Variants in KLKB1 observed in about 807,000 individuals in gnomAD.
The protein encoded by KLKB1 is kallikrein B1, also known as plasma kallikrein.
A neutral mutation model predicts 73.6 loss-of-function variants in KLKB1; 58 were observed. The ratio of observed to expected loss-of-function variants is 0.79; its 90% confidence interval spans 0.64 to 0.98. KLKB1 has a LOEUF of 0.98. Ranked by LOEUF, KLKB1 falls within the 50% of genes least tolerant of loss-of-function variation. The probability of loss-of-function intolerance (pLI) is 0.00; values close to 1 mark genes in which losing one functional copy is unlikely to be tolerated. For synonymous variants in KLKB1, 280 were observed against 258.1 expected (o/e 1.08, Z -0.81); for missense variants, 737 against 763.8 (o/e 0.96, Z 0.41).
At chr4:186,228,720 G>A (rs1225641067) in intron 2 of KLKB1, among the ~76,000 whole-genome samples, 1 of 152,184 alleles carries the variant, frequency 6.6e-6, no homozygotes, top group Non-Finnish European at 1.5e-5. Flanking sequence ...AAAAATGAAA[G>A]TAACTGGTTT....
At chr4:186,213,761 A>T (rs1736806537) in intron 2 of KLKB1, among the ~76,000 whole-genome samples, 1 of 152,238 alleles carries the variant, frequency 6.6e-6, no homozygotes, top group African/African-American at 2.4e-5. Flanking sequence ...ATGACCCAAT[A>T]AGAGATGCTG....
At chr4:186,256,284 G>T (rs1256608798) in intron 13 of KLKB1, among the ~76,000 whole-genome samples, 197 bp downstream of exon 13, 1 of 152,076 alleles carries the variant, frequency 6.6e-6, no homozygotes, top group East Asian at 1.9e-4. Flanking sequence ...ATTTTAGGGA[G>T]ACTTTTAAGC....
chr4:186,226,107 A>C (rs1437298283), upstream of KLKB1, among the ~76,000 whole-genome samples: 1 of 151,638 alleles, frequency 6.6e-6, no homozygotes, highest in Non-Finnish European at 1.5e-5. Flanking sequence ...TTTCTGTTTC[A>C]TTCTTTTTTA....
At chr4:186,232,322 GT>G in intron 3 of KLKB1, 33 bp downstream of exon 3, 1 of 1,599,868 alleles carries the variant, frequency 6.3e-7, no homozygotes, top group Non-Finnish European at 8.6e-7. Context: ...TGGAGAAGCT[GT>G]TTTTCAAAAC....
At chr4:186,238,893 T>TA (rs1318798229) in intron 6 of KLKB1, among the ~76,000 whole-genome samples, 1 of 150,924 alleles carries the variant, frequency 6.6e-6, no homozygotes, top group Non-Finnish European at 1.5e-5. Context: ...GTGATACTGT[T>TA]AGAGTTATAG....
chr4:186,226,371 A>G (rs1472673137), upstream of KLKB1: 1 of 152,182 alleles, frequency 6.6e-6, no homozygotes, highest in East Asian at 1.9e-4. Context: ...GTAGGCACCT[A>G]TTTCAGTCTT....
At chr4:186,227,041 G>C (rs892111392), upstream of KLKB1, among the ~76,000 whole-genome samples, 8 of 152,162 alleles carry the variant, frequency 5.3e-5, no homozygotes, top group Non-Finnish European at 8.8e-5. Flanking sequence ...GGGGTTTACT[G>C]GAGTGGGCTT....
chr4:186,253,837 TATTTA>T (rs1475326291), intron 11 of KLKB1, among the ~76,000 whole-genome samples: 4 of 151,932 alleles, frequency 2.6e-5, no homozygotes, highest in East Asian at 1.9e-4. Flanking sequence ...TTTATATATT[TATTTA>T]ATTTATTTTT....
At chr4:186,216,685 G>A (rs1736910972) in intron 2 of KLKB1, among the ~76,000 whole-genome samples, 1 of 152,164 alleles carries the variant, frequency 6.6e-6, no homozygotes, top group Non-Finnish European at 1.5e-5. Flanking sequence ...TGGGATGGTA[G>A]GGGTGAAATC....
chr4:186,242,216 G>A (rs4253359), intron 6 of KLKB1, among the ~76,000 whole-genome samples: 5 of 152,098 alleles, frequency 3.3e-5, no homozygotes, highest in Admixed American at 2.0e-4. Context: ...ACAAGGTAAC[G>A]TCATCAGTTA....
chr4:186,257,453 G>C, intron 14 of KLKB1, 88 bp downstream of exon 14: 3 of 1,230,806 alleles, frequency 2.4e-6, no homozygotes, highest in Middle Eastern at 2.4e-4. Context: ...TTCAATCATA[G>C]TTTTTAAAAA....
chr4:186,232,352 A>G (rs1446379629), intron 3 of KLKB1, 63 bp downstream of exon 3: 1 of 1,476,520 alleles, frequency 6.8e-7, no homozygotes, highest in Non-Finnish European at 9.5e-7. Context: ...TTTTGTGCAG[A>G]AAGGTGTAGT....
In KLKB1 at chr4:186,257,678, C is replaced by G. The variant is rs72710572; in HGVS notation, c.1725+313C>G. Among the ~76,000 whole-genome samples, 20,337 of 151,672 alleles carry G rather than the reference C, an allele frequency of 0.13. 1,607 individuals are homozygous for G. The highest frequency in any genetic ancestry group is 0.21 in the Middle Eastern group (63 of 294). ...CAAGATTTCTTTGTTAGATTTATTT[C>G]AGATAGAAAAGGGGATACGAAAAAT... On this transcript the variant is annotated intron_variant, in intron 14 of 14. Coordinates refer to ENST00000264690, the MANE Select transcript of KLKB1 (RefSeq NM_000892.5).
At chr4:186,238,435 C>T in intron 6 of KLKB1, 70 bp downstream of exon 6, 1 of 1,065,690 alleles carries the variant, frequency 9.4e-7, no homozygotes, top group South Asian at 1.3e-5. Context: ...CGTCCCTGTG[C>T]TGAGCCCTGG....
rs753364551 is a variant in KLKB1, at chr4:186,252,150, C to G, written c.1278C>G (p.His426Gln). The G allele has an allele frequency of 2.5e-6, 4 of 1,613,886 alleles. No homozygotes were observed. The East Asian group carries it at 6.7e-5, about 27-fold the overall frequency. The part of the protein sequence containing the change: ...RHLCGGSLIG[H>Q]QWVLTAAHCF... ...TGTGTGGAGGGTCACTCATAGGACA[C>G]CAGTGGGTCCTCACTGCTGCCCACT... The change falls in exon 11 of 15, where the codon CAC becomes CAG. Residue 426 changes from histidine (H) to glutamine (Q), a missense_variant. His to Gln is a conservative substitution (Grantham distance 24, BLOSUM62 0). Coordinates refer to ENST00000264690, the MANE Select transcript of KLKB1 (RefSeq NM_000892.5).
chr4:186,236,113 C>CAAAA (rs57285912), intron 4 of KLKB1, among the ~76,000 whole-genome samples: 2 of 113,772 alleles, frequency 1.8e-5, no homozygotes, highest in Non-Finnish European at 3.6e-5. Flanking sequence ...GACTCCGTCT[C>CAAAA]AAAAAAAAAA....
At chr4:186,240,967 A>C (rs1214264007) in intron 6 of KLKB1, among the ~76,000 whole-genome samples, 1 of 152,152 alleles carries the variant, frequency 6.6e-6, no homozygotes, top group African/African-American at 2.4e-5. Context: ...CACACCTGGG[A>C]GAGCACCCTG....
upstream of KLKB1, among the ~76,000 whole-genome samples, chr4:186,222,521 AT>A (rs1218285651): frequency 2.0e-5 from 3 of 152,214 alleles, no homozygotes; most frequent in Non-Finnish European, 4.4e-5. Context: ...CTTTGACTGC[AT>A]TTAAAAATAC....
chr4:186,243,245 C>T (rs4253282), intron 6 of KLKB1, among the ~76,000 whole-genome samples: 85,345 of 151,912 alleles, frequency 0.56, 24,353 homozygotes, highest in East Asian at 0.68. Context: ...ATTTTTACGA[C>T]GGAAAGGAAA....
Sources: gnomAD v4.1 joint callset for allele counts (sites outside exome capture counted in the v4.1 genomes callset) on GRCh38, gnomAD v4.1.1 for gene constraint, MANE v1.5 for transcripts, NCBI Gene and HGNC (gene_info 2026-07-23, HGNC 2026-07-21) for gene names.